RGS18: variants seen among roughly 807,000 people sequenced by gnomAD.
RGS18 encodes regulator of G protein signaling 18.
In RGS18, 22 loss-of-function variants were observed where a neutral mutation model predicts 27.6. That is an observed-to-expected ratio of 0.80 (90% CI 0.57 to 1.14). RGS18 has a LOEUF of 1.14. RGS18 is among the 50% of genes most tolerant of loss of function. The pLI, the probability that RGS18 is intolerant of heterozygous loss-of-function variation, is 0.00. For synonymous variants in RGS18, 89 were observed against 84.6 expected (o/e 1.05, Z -0.29); for missense variants, 299 against 269.6 (o/e 1.11, Z -0.76).
intron 3 of RGS18, among the ~76,000 whole-genome samples, chr1:192,173,110 T>C (rs1349855639): frequency 6.6e-6 from 1 of 151,692 alleles, no homozygotes; most frequent in Non-Finnish European, 1.5e-5. Context: ...AATTTATTAT[T>C]CTTGTTTCAT....
At chr1:192,159,017 A>G (rs1656022991) in intron 1 of RGS18, among the ~76,000 whole-genome samples, 2 of 152,212 alleles carry the variant, frequency 1.3e-5, no homozygotes, top group Admixed American at 6.5e-5. Flanking sequence ...AATCTCAAAT[A>G]CTTGATTGTC....
intron 3 of RGS18, chr1:192,160,769 A>G (rs948322253): frequency 4.2e-6 from 1 of 240,060 alleles, no homozygotes; most frequent in Non-Finnish European, 8.0e-6. Context: ...TGTTAGTTTC[A>G]TTGTTCAAGG....
At chr1:192,161,876 C>G (rs1010016915) in intron 3 of RGS18, among the ~76,000 whole-genome samples, 3 of 152,060 alleles carry the variant, frequency 2.0e-5, no homozygotes, top group African/African-American at 7.2e-5. Flanking sequence ...GTTTTGTTCC[C>G]TTCCTTAATT....
intron 3 of RGS18, among the ~76,000 whole-genome samples, chr1:192,173,331 AG>A (rs1281866503): frequency 6.6e-6 from 1 of 151,980 alleles, no homozygotes; most frequent in African/African-American, 2.4e-5. Flanking sequence ...TACTTTGTGT[AG>A]AATCTTTGCT....
chr1:192,159,748 A>C (rs1334324365), intron 2 of RGS18, among the ~76,000 whole-genome samples: 1 of 152,174 alleles, frequency 6.6e-6, no homozygotes, highest in Admixed American at 6.5e-5. Context: ...TATTTAATTC[A>C]AAAAGAAAAT....
At chr1:192,161,409 T>A (rs1294935477) in intron 3 of RGS18, 1 of 152,202 alleles carries the variant, frequency 6.6e-6, no homozygotes, top group Non-Finnish European at 1.5e-5. Context: ...AGGTAGCAAG[T>A]GAGTGAACTT....
At chr1:192,165,441 T>C (rs904585260) in intron 3 of RGS18, among the ~76,000 whole-genome samples, 5 of 152,192 alleles carry the variant, frequency 3.3e-5, no homozygotes, top group Non-Finnish European at 5.9e-5. Context: ...GTGATCTCTG[T>C]GACCCACACT....
chr1:192,183,785 T>A (rs2102162282), intron 4 of RGS18, among the ~76,000 whole-genome samples: 1 of 151,692 alleles, frequency 6.6e-6, no homozygotes, highest in South Asian at 2.1e-4. Flanking sequence ...TGATACATGC[T>A]AAAAAAACAG....
At chr1:192,183,682 A>T (rs1656494266) in intron 4 of RGS18, among the ~76,000 whole-genome samples, 1 of 151,644 alleles carries the variant, frequency 6.6e-6, no homozygotes, top group Non-Finnish European at 1.5e-5. Flanking sequence ...AAAATGTGGA[A>T]ACAACCCAAT....
chr1:192,158,900 A>T, intron 1 of RGS18, 144 bp downstream of exon 1: 1 of 649,418 alleles, frequency 1.5e-6, no homozygotes, highest in Non-Finnish European at 2.6e-6. Context: ...ACACCTTTTT[A>T]TTTCTTAGGT....
At chr1:192,175,176 C>G (rs1210519167) in intron 3 of RGS18, among the ~76,000 whole-genome samples, 1 of 151,218 alleles carries the variant, frequency 6.6e-6, no homozygotes, top group African/African-American at 2.4e-5. Flanking sequence ...TCTTTTTTAA[C>G]CTTTGTGTTT....
At chr1:192,159,353 T>A in intron 2 of RGS18, 32 bp downstream of exon 2, 1 of 1,439,292 alleles carries the variant, frequency 6.9e-7, no homozygotes, top group South Asian at 1.2e-5. Context: ...TGAGGAAGAT[T>A]TTGCTGATTC....
chr1:192,179,189 T>G (rs1656407010), intron 3 of RGS18, among the ~76,000 whole-genome samples: 1 of 151,580 alleles, frequency 6.6e-6, no homozygotes. Flanking sequence ...TATTATCAGA[T>G]GCTGCCAAGT....
rs897593278 is a variant in RGS18, at chr1:192,184,812, A to G, written c.*258A>G. On this transcript the variant is annotated 3_prime_UTR_variant, in exon 5 of 5. Coordinates refer to ENST00000367460, the MANE Select transcript of RGS18 (RefSeq NM_130782.3). ...TTTCTTAATCAAAAGGCAGTACAAA[A>G]AAAGTAATAATGTTTTATAAGATTG... 8.0e-6 allele frequency: 3 copies of G among 375,802 alleles called. No homozygotes were observed. The highest frequency in any genetic ancestry group is 6.2e-5 in the African/African-American group (3 of 48,400). 23.3% of individuals were successfully genotyped at this position (375,802 alleles called of 1,614,324 possible).
chr1:192,158,494 G>T lies in RGS18; in HGVS notation c.-144G>T. 4 of 654,870 alleles carry T rather than the reference G, an allele frequency of 6.1e-6. No individual in the cohort carries two copies. The highest frequency in any genetic ancestry group is 8.9e-6 in the Non-Finnish European group (4 of 447,376). The allele number at this position is 654,870 out of a possible 1,614,324, so 40.6% of individuals were successfully genotyped here. ...CATTTCTGCAGAGACAGAAAGAAAC[G>T]CAGCTCTTGACTTCTTTTTTGTAAA... On this transcript the variant is annotated 5_prime_UTR_variant, in exon 1 of 5. Transcript: ENST00000367460.
intron 3 of RGS18, chr1:192,168,217 G>A (rs1359315686): frequency 6.6e-6 from 1 of 152,106 alleles, no homozygotes; most frequent in East Asian, 1.9e-4. Context: ...AGAGAAACAG[G>A]AAGTAACTAA....
chr1:192,163,326 T>C (rs2102151172), intron 3 of RGS18: 1 of 152,278 alleles, frequency 6.6e-6, no homozygotes, highest in East Asian at 1.9e-4. Context: ...AAAATTTCAA[T>C]TGACAATAAC....
chr1:192,165,142 T>C lies in RGS18; in HGVS notation c.283+4703T>C, dbSNP rs919173525. Among the ~76,000 whole-genome samples, 7 of 152,162 alleles carry C rather than the reference T, an allele frequency of 4.6e-5. No individual in the cohort carries two copies. The East Asian group carries it at 1.3e-3, about 29-fold the overall frequency. ...AGAATGGATTCCCCGGGGAGGCCTC[T>C]AAAATGGCCGCTCTGGGAGTGTCTG... On this transcript the variant is annotated intron_variant, in intron 3 of 4. Transcript: ENST00000367460.
chr1:192,158,696 C>G lies in RGS18; in HGVS notation c.59C>G (p.Thr20Ser), dbSNP rs996589557. The G allele has an allele frequency of 1.9e-6, 3 of 1,579,400 alleles. No individual in the cohort carries two copies. The African/African-American group carries it at 4.1e-5, about 22-fold the overall frequency. The stretch of plus-strand genomic sequence containing the variant: ...AATATGTGTGAATCAAAAGAAAAAA[C>G]TTTTTTCAAGTTAATACATGGTTCA... ...QINMCESKEK[T>S]FFKLIHGSGK... Residue 20 changes from threonine to serine, a missense_variant, in exon 1 of 5, where the codon ACT becomes AGT. Physicochemically the swap from Thr to Ser is moderately conservative, Grantham distance 58. Transcript: ENST00000367460.
Sources: gnomAD v4.1 joint callset for allele counts (sites outside exome capture counted in the v4.1 genomes callset) on GRCh38, gnomAD v4.1.1 for gene constraint, MANE v1.5 for transcripts, NCBI Gene and HGNC (gene_info 2026-07-23, HGNC 2026-07-21) for gene names.